The following ICE1 variants were observed in gnomAD, a reference collection of about 807,000 sequenced individuals.
ICE1 encodes the protein little elongation complex subunit 1.
Under a neutral mutation model 192.7 loss-of-function variants are expected in ICE1, and 64 were observed. The observed-to-expected ratio is 0.33, with a 90% CI of 0.27 to 0.41. The LOEUF is 0.41. Among genes scored for constraint, ICE1 ranks in the 10% least tolerant of loss-of-function variants. ICE1 has a pLI of 1.00. For missense variants in ICE1, 2,708 were observed against 2,696.0 expected (o/e 1.00, Z -0.10); for synonymous variants, 1,010 against 984.5 (o/e 1.03, Z -0.49).
intron 17 of ICE1, among the ~76,000 whole-genome samples, chr5:5,482,290 C>T: frequency 6.6e-6 from 1 of 151,920 alleles, no homozygotes; most frequent in Non-Finnish European, 1.5e-5. Context: ...CATACTTATA[C>T]AATTAAGACT....
chr5:5,466,198 T>C, intron 13 of ICE1, 136 bp from the exon 14 acceptor site: 1 of 698,082 alleles, frequency 1.4e-6, no homozygotes, highest in Non-Finnish European at 2.2e-6. Context: ...TACCAGTTAC[T>C]ATGCTCTACC....
Position 5,422,741 on chromosome 5 carries a change from G to C in ICE1, c.-175G>C, listed in dbSNP as rs1289771820. ...CTTTTTAGTGCCTGAGGCAGCTCTG[G>C]CTCGGAGAGCCTTTTGCTAGCCCCA... is the stretch of plus-strand genomic sequence containing the variant. On this transcript the variant is annotated 5_prime_UTR_variant, in exon 1 of 19. Transcript: ENST00000296564. 7.9e-6 allele frequency: 3 copies of C among 377,504 alleles called. No individual in the cohort carries two copies. Among genetic ancestry groups the C allele is most frequent in the Admixed American group, 9.3e-5 (2 of 21,542 alleles). The allele number at this position is 377,504 out of a possible 1,614,324, so 23.4% of individuals were successfully genotyped here. A position where few individuals can be genotyped will look rare whatever the true frequency, so the allele number is the denominator to read the frequency against.
intron 3 of ICE1, chr5:5,437,825 C>G (rs1174482037): frequency 6.6e-6 from 1 of 152,200 alleles, no homozygotes; most frequent in African/African-American, 2.4e-5. Context: ...AGTAAACATA[C>G]GTATACTCCT....
chr5:5,472,313 A>G (rs1031855476), intron 15 of ICE1, among the ~76,000 whole-genome samples: 2 of 152,190 alleles, frequency 1.3e-5, no homozygotes, highest in Non-Finnish European at 2.9e-5. Flanking sequence ...TCTGTTAAAC[A>G]TGTCTAATTA....
rs1738898252 is a variant in ICE1 at position 5,464,121 on chromosome 5, C to T, written c.4787C>T (p.Thr1596Ile). 3.1e-6 allele frequency: 5 copies of T among 1,613,554 alleles called. No homozygotes were observed. The highest frequency in any genetic ancestry group is 4.2e-6 in the Non-Finnish European group (5 of 1,179,884). Residue 1596 changes from threonine to isoleucine, a missense_variant, in exon 13 of 19, where the codon ACT (threonine) becomes ATT (isoleucine). Physicochemically the swap from Thr to Ile is moderately conservative, Grantham distance 89. Coordinates refer to ENST00000296564, the MANE Select transcript of ICE1 (RefSeq NM_015325.3). The surrounding 1 kb of genome is among the most constrained non-coding windows in gnomAD (Gnocchi z 4.0). Reference protein sequence around the residue: ...SFSGEKANTKTQRSQTQTILA... With the variant: ...SFSGEKANTKIQRSQTQTILA... The stretch of plus-strand genomic sequence containing the variant: ...TCAGGGGAAAAAGCTAATACAAAAA[C>T]TCAAAGAAGCCAAACTCAGACCATT...
chr5:5,459,094 C>G (rs1046479143), intron 12 of ICE1, among the ~76,000 whole-genome samples: 1 of 152,092 alleles, frequency 6.6e-6, no homozygotes, highest in East Asian at 1.9e-4. Context: ...AGGATGGTCT[C>G]GCTCTCCTGA....
At chr5:5,471,912 A>C (rs1228091066) in intron 15 of ICE1, among the ~76,000 whole-genome samples, 1 of 152,134 alleles carries the variant, frequency 6.6e-6, no homozygotes, top group Non-Finnish European at 1.5e-5. Context: ...AGGATGCTCT[A>C]TATGTAGAAG....
At chr5:5,423,696 A>T (rs542641923) in intron 1 of ICE1, among the ~76,000 whole-genome samples, 1 of 152,208 alleles carries the variant, frequency 6.6e-6, no homozygotes, top group Non-Finnish European at 1.5e-5. Flanking sequence ...CTTGGGCAAT[A>T]GTGCCCCTCA....
chr5:5,447,813 A>T (rs1401653039), intron 9 of ICE1, 28 bp from the exon 10 acceptor site: 2 of 1,572,040 alleles, frequency 1.3e-6, no homozygotes, highest in Non-Finnish European at 1.7e-6. Context: ...GTAGTATTTT[A>T]TTAACCGTTT....
chr5:5,426,301 C>T lies in ICE1; in HGVS notation c.84+3302C>T, dbSNP rs142399401. Among the ~76,000 whole-genome samples, 1,143 of 152,138 alleles carry T rather than the reference C, an allele frequency of 7.5e-3. 16 individuals are homozygous for T. The highest frequency in any genetic ancestry group is 0.026 in the African/African-American group (1,086 of 41,514). On this transcript the variant is annotated intron_variant, in intron 1 of 18. Transcript: ENST00000296564. ...CTCTACGAAAAATACAAAAATTAGC[C>T]GGGCATGGTGGCATGCGCCTGTAAT...
At chr5:5,448,000 G>A in intron 10 of ICE1, 103 bp downstream of exon 10, 1 of 825,100 alleles carries the variant, frequency 1.2e-6, no homozygotes, top group Non-Finnish European at 1.9e-6. Context: ...CCAGGGCTTA[G>A]TAGATGTTTC....
At position 5,460,917 on chromosome 5, in the gene ICE1, C is replaced by CTT; in HGVS notation, c.1584_1585insTT (p.Glu529LeufsTer13). The CTT allele has an allele frequency of 6.2e-7, 1 of 1,614,016 alleles. No individual in the cohort carries two copies. Among genetic ancestry groups the CTT allele is most frequent in the Non-Finnish European group, 8.5e-7 (1 of 1,179,906 alleles). ...GAGAAGGAAGCTGCCCCTGGGAAGT[C>CTT]TGAGTTGTGTTCTTCTCCCCTTGGC... is the stretch of plus-strand genomic sequence containing the variant. On this transcript the variant is annotated frameshift_variant, in exon 13 of 19. Coordinates refer to ENST00000296564, the MANE Select transcript of ICE1 (RefSeq NM_015325.3). LOFTEE classifies it high-confidence loss of function.
At chr5:5,451,270 C>T (rs979464325) in intron 10 of ICE1, among the ~76,000 whole-genome samples, 16 of 152,202 alleles carry the variant, frequency 1.1e-4, no homozygotes, top group Non-Finnish European at 1.9e-4. Context: ...TAGCCAATTC[C>T]TTCACTATTC....
At chr5:5,452,548 T>C (rs989298682) in intron 10 of ICE1, among the ~76,000 whole-genome samples, 7 of 152,086 alleles carry the variant, frequency 4.6e-5, no homozygotes, top group African/African-American at 1.4e-4. Context: ...ATAAACATGT[T>C]CCTGGATGAG....
At position 5,443,212 on chromosome 5, in the gene ICE1, T is replaced by C; in HGVS notation, c.354T>C (p.Arg118=). ...LYQDTHQEYA[R]VKEECLKSDA... ...AGGATACTCATCAGGAATATGCTCG[T>C]GTAAAGGAAGAATGCTTGAAGAGTG... is the stretch of plus-strand genomic sequence containing the variant. The change falls in exon 6 of 19, where the codon CGT becomes CGC. Residue 118 remains arginine (R), a synonymous_variant. Coordinates refer to ENST00000296564, the MANE Select transcript of ICE1 (RefSeq NM_015325.3). The C allele has an allele frequency of 6.6e-7, 1 of 1,516,066 alleles. No homozygotes were observed. Among genetic ancestry groups the C allele is most frequent in the Non-Finnish European group, 8.9e-7 (1 of 1,128,776 alleles). 93.9% of individuals were successfully genotyped at this position (1,516,066 alleles called of 1,614,324 possible). A position where few individuals can be genotyped will look rare whatever the true frequency, so the allele number is the denominator to read the frequency against.
chr5:5,451,317 A>G (rs1738408751), intron 10 of ICE1, among the ~76,000 whole-genome samples: 1 of 152,186 alleles, frequency 6.6e-6, no homozygotes, highest in African/African-American at 2.4e-5. Context: ...ATACATTGTC[A>G]CTTTAGAAAT....
intron 17 of ICE1, among the ~76,000 whole-genome samples, chr5:5,486,315 CACTTA>C (rs1205683236): frequency 6.6e-6 from 1 of 152,318 alleles, no homozygotes; most frequent in Admixed American, 6.5e-5. Flanking sequence ...GGGAGGAAGG[CACTTA>C]ACTTCTTAGC....
chr5:5,440,030 CAT>C (rs1182789341), intron 4 of ICE1, 117 bp downstream of exon 4: 1 of 555,076 alleles, frequency 1.8e-6, no homozygotes, highest in African/African-American at 2.0e-5. Flanking sequence ...TAGGATTACT[CAT>C]AATATAGAAT....
chr5:5,481,349 A>G (rs1231623026), intron 17 of ICE1, among the ~76,000 whole-genome samples: 2 of 152,156 alleles, frequency 1.3e-5, no homozygotes, highest in Non-Finnish European at 2.9e-5. Flanking sequence ...GAGAGGAAAT[A>G]AGAGTGAAGA....
Sources: gnomAD v4.1 joint callset for allele counts (sites outside exome capture counted in the v4.1 genomes callset) on GRCh38, gnomAD v4.1.1 for gene constraint, Gnocchi (gnomAD v3.1) non-coding constraint, MANE v1.5 for transcripts, NCBI Gene and HGNC (gene_info 2026-07-23, HGNC 2026-07-21) for gene names.